Variants in NR1H4 observed in about 807,000 individuals in gnomAD.
The protein encoded by NR1H4 is nuclear receptor subfamily 1 group H member 4.
NR1H4 carries 23 observed loss-of-function variants against 58.5 expected under a neutral mutation model. That is an observed-to-expected ratio of 0.39 (90% CI 0.28 to 0.56). NR1H4 has a LOEUF of 0.56. Ranked by LOEUF, NR1H4 falls within the 20% of genes least tolerant of loss-of-function variation. The pLI, the probability that NR1H4 is intolerant of heterozygous loss-of-function variation, is 0.58. For missense variants in NR1H4, 487 were observed against 576.9 expected (o/e 0.84, Z 1.60); for synonymous variants, 214 against 198.0 (o/e 1.08, Z -0.68).
intron 1 of NR1H4, among the ~76,000 whole-genome samples, chr12:100,479,447 C>A (rs1953333826): frequency 6.6e-6 from 1 of 152,164 alleles, no homozygotes; most frequent in African/African-American, 2.4e-5. Flanking sequence ...ATAGGTCATC[C>A]TTCTTCCACT....
intron 3 of NR1H4, among the ~76,000 whole-genome samples, chr12:100,496,192 C>A (rs960933261): frequency 2.6e-5 from 4 of 152,082 alleles, no homozygotes; most frequent in African/African-American, 9.7e-5. Flanking sequence ...TAGTAGAAAG[C>A]AAACTCACAA....
chr12:100,491,910 ACTCT>A (rs1285265192), intron 1 of NR1H4, among the ~76,000 whole-genome samples: 1 of 151,462 alleles, frequency 6.6e-6, no homozygotes, highest in African/African-American at 2.4e-5. Flanking sequence ...CTATCTCTTG[ACTCT>A]CTATCTCTTC....
Position 100,561,872 on chromosome 12 carries a change from CT to C in NR1H4, c.1079-10del, listed in dbSNP as rs771638264. On this transcript the variant is annotated splice_polypyrimidine_tract_variant and intron_variant, in intron 9 of 10. Transcript: ENST00000392986. The stretch of plus-strand genomic sequence containing the variant: ...CTCAAAAATTGTATTATGATTGCAA[CT>C]TTCCCCCACAGGTATCTCTGATGAA... 5.1e-5 allele frequency: 54 copies of C among 1,055,534 alleles called. No individual in the cohort carries two copies. The highest frequency in any genetic ancestry group is 7.6e-5 in the Non-Finnish European group (51 of 671,134). 65.4% of individuals were successfully genotyped at this position (1,055,534 alleles called of 1,614,324 possible).
rs951869163 is a variant in NR1H4, at chr12:100,511,205, C to G, written c.445+62C>G. The stretch of plus-strand genomic sequence containing the variant: ...TTTACTATATTGGTTGTTGAAATCC[C>G]TTGAACTAATTGCTTCCCTTTTCCC... On this transcript the variant is annotated intron_variant, in intron 4 of 10. Coordinates refer to ENST00000392986, the MANE Select transcript of NR1H4 (RefSeq NM_001206979.2). The G allele has an allele frequency of 4.4e-6, 7 of 1,608,462 alleles. No individual in the cohort carries two copies. The East Asian group carries it at 6.7e-5, about 15-fold the overall frequency.
intron 4 of NR1H4, among the ~76,000 whole-genome samples, chr12:100,516,356 G>A (rs547001982): frequency 6.6e-6 from 1 of 152,104 alleles, no homozygotes; most frequent in Admixed American, 6.5e-5. Context: ...AAATTTCAGT[G>A]CTGATGACAT....
chr12:100,509,357 T>G (rs1954048334), intron 3 of NR1H4, among the ~76,000 whole-genome samples: 1 of 152,238 alleles, frequency 6.6e-6, no homozygotes, highest in Non-Finnish European at 1.5e-5. Context: ...GAGCCATAGT[T>G]GATGTTTCCA....
chr12:100,511,927 A>C (rs1468975821), intron 4 of NR1H4, among the ~76,000 whole-genome samples: 3 of 148,438 alleles, frequency 2.0e-5, no homozygotes, highest in Non-Finnish European at 4.5e-5. Context: ...CATCTCAAAA[A>C]ATAATTTTTT....
chr12:100,510,591 A>G (rs758668966), intron 3 of NR1H4, among the ~76,000 whole-genome samples, 187 bp from the exon 4 acceptor site: 16 of 138,254 alleles, frequency 1.2e-4, no homozygotes, highest in Non-Finnish European at 2.0e-4. Context: ...CTGAATTTTT[A>G]ATTTGTCATT....
rs895843652 is a variant in NR1H4 at position 100,541,032 on chromosome 12, C to G, written c.1078+214C>G. On this transcript the variant is annotated intron_variant, in intron 9 of 10. Coordinates refer to ENST00000392986, the MANE Select transcript of NR1H4 (RefSeq NM_001206979.2). ...GTAATAACAAAGTAGCAAAACTACC[C>G]CTTTACTGCACTAAGATGAAGAGCC... is the stretch of plus-strand genomic sequence containing the variant. 6.6e-5 allele frequency among the ~76,000 whole-genome samples: 10 copies of G among 152,192 alleles called. No homozygotes were observed. The East Asian group carries it at 1.7e-3, about 26-fold the overall frequency.
At chr12:100,558,068 A>G (rs1395472824) in intron 9 of NR1H4, among the ~76,000 whole-genome samples, 3 of 151,922 alleles carry the variant, frequency 2.0e-5, no homozygotes, top group African/African-American at 4.8e-5. Flanking sequence ...GTTTTTAGAG[A>G]TAGCATCTTG....
intron 1 of NR1H4, among the ~76,000 whole-genome samples, chr12:100,487,637 C>T (rs1434857617): frequency 1.4e-5 from 2 of 147,690 alleles, no homozygotes; most frequent in Non-Finnish European, 3.0e-5. Context: ...ACTCTGTTGC[C>T]CAGGCTGGAG....
intron 4 of NR1H4, among the ~76,000 whole-genome samples, chr12:100,521,901 T>G (rs1954429148): frequency 6.6e-6 from 1 of 152,180 alleles, no homozygotes; most frequent in Non-Finnish European, 1.5e-5. Flanking sequence ...TGATGCAAGA[T>G]GGGGTTCCAA....
Position 100,524,798 on chromosome 12 carries a change from A to G in NR1H4, c.446-7660A>G, listed in dbSNP as rs1954515399. 2.0e-5 allele frequency among the ~76,000 whole-genome samples: 3 copies of G among 151,866 alleles called. No homozygotes were observed. In the South Asian group the frequency reaches 6.2e-4, roughly 32 times the overall value. On this transcript the variant is annotated intron_variant, in intron 4 of 10. Transcript: ENST00000392986. The stretch of plus-strand genomic sequence containing the variant: ...TATTGTTTCTTTCTTTGTTGTGTGG[A>G]TAGTCTTTATTTATTTCTGTAGTAC...
At chr12:100,508,254 G>T (rs907454755) in intron 3 of NR1H4, among the ~76,000 whole-genome samples, 10 of 152,062 alleles carry the variant, frequency 6.6e-5, no homozygotes, top group African/African-American at 2.4e-4. Context: ...AGCAGCAGGT[G>T]GGAGAAGTCC....
intron 4 of NR1H4, among the ~76,000 whole-genome samples, chr12:100,531,328 C>T (rs1307507299): frequency 1.3e-5 from 2 of 152,042 alleles, no homozygotes; most frequent in Non-Finnish European, 2.9e-5. Context: ...CGGTGGGCGG[C>T]GCCTGTCATC....
chr12:100,515,405 C>T (rs528041191), intron 4 of NR1H4, among the ~76,000 whole-genome samples: 152 of 152,100 alleles, frequency 1.0e-3, no homozygotes, highest in African/African-American at 3.6e-3. Flanking sequence ...TCCCTGACCT[C>T]AGGTGATCCA....
intron 8 of NR1H4, among the ~76,000 whole-genome samples, chr12:100,539,036 G>A (rs1338527724): frequency 6.6e-6 from 1 of 152,096 alleles, no homozygotes; most frequent in Non-Finnish European, 1.5e-5. Context: ...ATGGTCAGTT[G>A]GTTTTGAATC....
intron 4 of NR1H4, among the ~76,000 whole-genome samples, chr12:100,513,277 C>T (rs755075674): frequency 5.3e-5 from 8 of 152,112 alleles, no homozygotes; most frequent in Non-Finnish European, 7.4e-5. Context: ...ATCACTGGTA[C>T]GTAATTAATC....
At chr12:100,554,881 G>A (rs957635050) in intron 9 of NR1H4, among the ~76,000 whole-genome samples, 2 of 152,050 alleles carry the variant, frequency 1.3e-5, no homozygotes, top group African/African-American at 4.8e-5. Context: ...ATGTTGGCAT[G>A]GTTAACTCTG....
Sources: gnomAD v4.1 joint callset for allele counts (sites outside exome capture counted in the v4.1 genomes callset) on GRCh38, gnomAD v4.1.1 for gene constraint, MANE v1.5 for transcripts, NCBI Gene and HGNC (gene_info 2026-07-23, HGNC 2026-07-21) for gene names.